HDHD3: variants seen among roughly 807,000 people sequenced by gnomAD.
HDHD3 encodes the protein haloacid dehalogenase-like hydrolase domain-containing protein 3.
Under a neutral mutation model 6.9 loss-of-function variants are expected in HDHD3, and 6 were observed. The observed-to-expected ratio is 0.87, with a 90% CI of 0.48 to 1.72. The LOEUF is 1.72. Ranked by LOEUF, HDHD3 falls within the 40% of genes most tolerant of loss-of-function variation. HDHD3 has a pLI of 0.01. For missense variants in HDHD3, 308 were observed against 327.4 expected (o/e 0.94, Z 0.46); for synonymous variants, 139 against 140.7 (o/e 0.99, Z 0.08).
rs76975306 is a variant in HDHD3, at chr9:113,373,937, G to A, written c.418C>T (p.Arg140Trp). ...AGGCCCCCCAGGATGCCCTCTAGCC[G>A]TCGGTCAAAGTTGGAGATCACTGCC... ...RLAVISNFDR[R>W]LEGILGGLGL... The change falls in exon 3 of 3, where the codon CGG becomes TGG. Residue 140 changes from arginine (R) to tryptophan (W), a missense_variant. By Grantham distance (101) the Arg-to-Trp change is moderately radical. Transcript: ENST00000374180. 2.2e-4 allele frequency: 351 copies of A among 1,614,238 alleles called. 1 individual carries two copies. In the African/African-American group the frequency reaches 3.1e-3, roughly 14 times the overall value.
rs766926828 is a variant in HDHD3 at position 113,373,697 on chromosome 9, C to G, written c.658G>C (p.Val220Leu). 3 of 1,614,042 alleles carry G rather than the reference C, an allele frequency of 1.9e-6. No individual in the cohort carries two copies. Among genetic ancestry groups the G allele is most frequent in the African/African-American group, 1.3e-5 (1 of 75,062 alleles). The change falls in exon 3 of 3, where the codon GTG (valine) becomes CTG (leucine). Residue 220 changes from valine (V) to leucine (L), a missense_variant. By Grantham distance (32) the Val-to-Leu change is conservative. Transcript: ENST00000374180. The stretch of plus-strand genomic sequence containing the variant: ...TCTTTAGGTACAGAATCCCTGACCA[C>G]GGGGTCCAGTGCCTGTGGGCCAACC... Reference protein sequence around the residue: ...LVVGPQALDPVVRDSVPKEHI... With the variant: ...LVVGPQALDPLVRDSVPKEHI...
At chr9:113,376,433 C>T (rs1348001666) in intron 1 of HDHD3, among the ~76,000 whole-genome samples, 2 of 142,722 alleles carry the variant, frequency 1.4e-5, no homozygotes, top group African/African-American at 5.5e-5. Context: ...CTGCAACTTC[C>T]GCCTCCCGGA....
In HDHD3 at chr9:113,374,163, G is replaced by A; in HGVS notation, c.192C>T (p.Gly64=). The stretch of plus-strand genomic sequence containing the variant: ...GGCGGGAGGTTAGGCCGTGGCTCAG[G>A]CCGTAGTTGGGGAAGCTGTGGCTCT... ...RAQSHSFPNY[G]LSHGLTSRQW... Residue 64 remains glycine (G), a synonymous_variant, in exon 3 of 3, where the codon GGC becomes GGT. Coordinates refer to ENST00000374180, the MANE Select transcript of HDHD3 (RefSeq NM_001304509.2). The A allele has an allele frequency of 6.3e-7, 1 of 1,596,088 alleles. No homozygotes were observed.
At chr9:113,376,590 T>TTCCCCCCCCCCCCCCCCCCCCCCCC (rs137860074) in intron 1 of HDHD3, 139 bp downstream of exon 1, 59 of 134,308 alleles carry the variant, frequency 4.4e-4, no homozygotes, top group Non-Finnish European at 5.1e-4. Context: ...CTCGTGATCC[T>TTCCCCCCCCCCCCCCCCCCCCCCCC]CCCCCGCCCC....
chr9:113,374,421 G>A lies in HDHD3; in HGVS notation c.-67C>T, dbSNP rs796193912. ...GGTGGGTCCCAGGGGAAGCTGAGCTGGATAAGACCACCTCTGCGCAACCTA... is the reference window on the plus strand; with the variant it reads ...GGTGGGTCCCAGGGGAAGCTGAGCTAGATAAGACCACCTCTGCGCAACCTA... On this transcript the variant is annotated 5_prime_UTR_variant, in exon 3 of 3. Transcript: ENST00000374180. 2.1e-6 allele frequency: 3 copies of A among 1,419,646 alleles called. No individual in the cohort carries two copies. Among genetic ancestry groups the A allele is most frequent in the African/African-American group, 2.8e-5 (2 of 70,508 alleles). 87.9% of individuals were successfully genotyped at this position (1,419,646 alleles called of 1,614,324 possible). A position where few individuals can be genotyped will look rare whatever the true frequency, so the allele number is the denominator to read the frequency against.
At chr9:113,376,674 T>C (rs1264936749) in intron 1 of HDHD3, 55 bp downstream of exon 1, 2 of 150,628 alleles carry the variant, frequency 1.3e-5, no homozygotes, top group Non-Finnish European at 3.0e-5. Flanking sequence ...CAGGGCTTTT[T>C]CGATTTCTAA....
chr9:113,373,790 G>C lies in HDHD3; in HGVS notation c.565C>G (p.His189Asp), dbSNP rs1834388430. Residue 189 changes from histidine to aspartate, a missense_variant, in exon 3 of 3, where the codon CAT (histidine) becomes GAT (aspartate). By Grantham distance (81) the His-to-Asp change is moderately conservative. Coordinates refer to ENST00000374180, the MANE Select transcript of HDHD3 (RefSeq NM_001304509.2). ...LAHMEPVVAAHVGDNYLCDYQ... is the reference protein window; with the variant it reads ...LAHMEPVVAADVGDNYLCDYQ... ...TCGCAGAGGTAATTATCCCCAACAT[G>C]GGCTGCCACTACTGGTTCCATATGA... The C allele has an allele frequency of 1.9e-5, 30 of 1,612,300 alleles. No individual in the cohort carries two copies. Among genetic ancestry groups the C allele is most frequent in the African/African-American group, 4.0e-5 (3 of 74,912 alleles).
chr9:113,373,718 C>G lies in HDHD3; in HGVS notation c.637G>C (p.Gly213Arg). The G allele has an allele frequency of 1.2e-6, 2 of 1,614,020 alleles. No individual in the cohort carries two copies. ...ACCACGGGGTCCAGTGCCTGTGGGC[C>G]AACCACCAGGAAGCTGTGCATGCCC... ...AVGMHSFLVV[G>R]PQALDPVVRD... Residue 213 changes from glycine (G) to arginine (R), a missense_variant, in exon 3 of 3, where the codon GGC becomes CGC. Gly to Arg is a moderately radical substitution (Grantham distance 125). Transcript: ENST00000374180.
chr9:113,373,943 C>T lies in HDHD3; in HGVS notation c.412G>A (p.Asp138Asn), dbSNP rs902349145. 2 of 1,614,218 alleles carry T rather than the reference C, an allele frequency of 1.2e-6. No homozygotes were observed. Among genetic ancestry groups the T allele is most frequent in the Non-Finnish European group, 1.7e-6 (2 of 1,180,042 alleles). Residue 138 changes from aspartate to asparagine, a missense_variant, in exon 3 of 3, where the codon GAC (aspartate) becomes AAC (asparagine). Transcript: ENST00000374180. Reference protein sequence around the residue: ...GLRLAVISNFDRRLEGILGGL... With the variant: ...GLRLAVISNFNRRLEGILGGL... ...CCCAGGATGCCCTCTAGCCGTCGGTCAAAGTTGGAGATCACTGCCAGTCTC... is the reference window on the plus strand; with the variant it reads ...CCCAGGATGCCCTCTAGCCGTCGGTTAAAGTTGGAGATCACTGCCAGTCTC...
chr9:113,373,939 CG>C lies in HDHD3; in HGVS notation c.415del (p.Arg139AspfsTer3). 1 of 1,614,238 alleles carries C rather than the reference CG, an allele frequency of 6.2e-7. No individual in the cohort carries two copies. The highest frequency in any genetic ancestry group is 8.5e-7 in the Non-Finnish European group (1 of 1,180,046). On this transcript the variant is annotated frameshift_variant, in exon 3 of 3. Coordinates refer to ENST00000374180, the MANE Select transcript of HDHD3 (RefSeq NM_001304509.2). LOFTEE classifies it high-confidence loss of function. Reference sequence around the variant, plus strand: ...GCCCCCCAGGATGCCCTCTAGCCGTCGGTCAAAGTTGGAGATCACTGCCAGT... The same window carrying C: ...GCCCCCCAGGATGCCCTCTAGCCGTCGTCAAAGTTGGAGATCACTGCCAGT... ...LRLAVISNFDRRLEGILGGLG... is the reference protein window; with the variant it reads ...LRLAVISNFDXRLEGILGGLG...
rs1328694969 is a variant in HDHD3 at position 113,375,513 on chromosome 9, G to C, written c.-236C>G. Reference sequence around the variant, plus strand: ...CAGAACCCAAACTTCCAGACTCTCTGGCCAGTTCTTCCACTGTACCATGAG... The same window carrying C: ...CAGAACCCAAACTTCCAGACTCTCTCGCCAGTTCTTCCACTGTACCATGAG... On this transcript the variant is annotated 5_prime_UTR_variant, in exon 2 of 3. Coordinates refer to ENST00000374180, the MANE Select transcript of HDHD3 (RefSeq NM_001304509.2). The C allele has an allele frequency of 1.3e-5, 2 of 152,258 alleles. No individual in the cohort carries two copies. Among genetic ancestry groups the C allele is most frequent in the African/African-American group, 4.8e-5 (2 of 41,442 alleles). The allele number at this position is 152,258 out of a possible 1,614,324, so 9.4% of individuals were successfully genotyped here.
rs571941757 is a variant in HDHD3 at position 113,374,027 on chromosome 9, T to G, written c.328A>C (p.Thr110Pro). 7 of 1,614,110 alleles carry G rather than the reference T, an allele frequency of 4.3e-6. No homozygotes were observed. Among genetic ancestry groups the G allele is most frequent in the Non-Finnish European group, 5.9e-6 (7 of 1,179,986 alleles). ...TCAGCCCCATCCAACACCTGCCAGGTGCAGGGGTGGCTGAAGTCTTTATAA... is the reference window on the plus strand; with the variant it reads ...TCAGCCCCATCCAACACCTGCCAGGGGCAGGGGTGGCTGAAGTCTTTATAA... Reference protein sequence around the residue: ...QLYKDFSHPCTWQVLDGAEDT... With the variant: ...QLYKDFSHPCPWQVLDGAEDT... The change falls in exon 3 of 3, where the codon ACC (threonine) becomes CCC (proline). Residue 110 changes from threonine to proline, a missense_variant. Transcript: ENST00000374180.
rs1411149022 is a variant in HDHD3, at chr9:113,373,828, G to A, written c.527C>T (p.Ala176Val). The change falls in exon 3 of 3, where the codon GCC becomes GTC. Residue 176 changes from alanine to valine, a missense_variant. Ala to Val is a moderately conservative substitution (Grantham distance 64). Transcript: ENST00000374180. ...TGGTTCCATATGAGCAAGCCGCAAGGCCTCCTGGAAAATGCGGGGGTCCGG... is the reference window on the plus strand; with the variant it reads ...TGGTTCCATATGAGCAAGCCGCAAGACCTCCTGGAAAATGCGGGGGTCCGG... ...PKPDPRIFQEALRLAHMEPVV... is the reference protein window; with the variant it reads ...PKPDPRIFQEVLRLAHMEPVV... 9 of 1,613,968 alleles carry A rather than the reference G, an allele frequency of 5.6e-6. No individual in the cohort carries two copies. The East Asian group carries it at 8.9e-5, about 16-fold the overall frequency.
In HDHD3 at chr9:113,374,454, C is replaced by CCTCT; in HGVS notation, c.-104_-101dup. 8.8e-7 allele frequency: 1 copy of CCTCT among 1,137,648 alleles called. No individual in the cohort carries two copies. 70.5% of individuals were successfully genotyped at this position (1,137,648 alleles called of 1,614,324 possible). On this transcript the variant is annotated 5_prime_UTR_variant, in exon 3 of 3. An upstream open reading frame in the 5' UTR gains an earlier in-frame stop. Transcript: ENST00000374180. ...CCACCTCTGCGCAACCTAACAATCA[C>CCTCT]CTCTTTCCAGGCCTTGTGGGTCAGA... is the stretch of plus-strand genomic sequence containing the variant.
chr9:113,374,670 C>A (rs990551865), intron 2 of HDHD3, 141 bp from the exon 3 acceptor site: 2 of 306,874 alleles, frequency 6.5e-6, no homozygotes, highest in African/African-American at 4.3e-5. Flanking sequence ...CCTTTTTGAG[C>A]TAGCTGCTAG....
chr9:113,376,331 A>G (rs1173443231), intron 1 of HDHD3, among the ~76,000 whole-genome samples: 1 of 125,466 alleles, frequency 8.0e-6, no homozygotes, highest in Non-Finnish European at 1.6e-5. Flanking sequence ...GGCGTGAGCC[A>G]CTATACCCGG....
chr9:113,374,364 C>T lies in HDHD3; in HGVS notation c.-10G>A. 1 of 1,507,648 alleles carries T rather than the reference C, an allele frequency of 6.6e-7. No homozygotes were observed. The highest frequency in any genetic ancestry group is 8.9e-7 in the Non-Finnish European group (1 of 1,127,450). The allele number at this position is 1,507,648 out of a possible 1,614,324, so 93.4% of individuals were successfully genotyped here. On this transcript the variant is annotated 5_prime_UTR_variant, in exon 3 of 3. Coordinates refer to ENST00000374180, the MANE Select transcript of HDHD3 (RefSeq NM_001304509.2). ...GCAGCCGGTGTGCCATGGAGGAGGC[C>T]AAGTCCACCCCAGTTCTGCCTCAGG...
intron 1 of HDHD3, chr9:113,375,961 G>A (rs970041127): frequency 3.9e-5 from 6 of 151,918 alleles, no homozygotes; most frequent in Non-Finnish European, 8.8e-5. Flanking sequence ...ACCCAGTGAG[G>A]GGCAGTAATT....
rs766926828 is a variant in HDHD3, at chr9:113,373,697, C to A, written c.658G>T (p.Val220Leu). 1 of 1,614,042 alleles carries A rather than the reference C, an allele frequency of 6.2e-7. No homozygotes were observed. Among genetic ancestry groups the A allele is most frequent in the Non-Finnish European group, 8.5e-7 (1 of 1,179,980 alleles). ...LVVGPQALDP[V>L]VRDSVPKEHI... ...TCTTTAGGTACAGAATCCCTGACCA[C>A]GGGGTCCAGTGCCTGTGGGCCAACC... The change falls in exon 3 of 3, where the codon GTG becomes TTG. Residue 220 changes from valine (V) to leucine (L), a missense_variant. Transcript: ENST00000374180.
Sources: allele counts gnomAD v4.1 joint callset (sites outside exome capture counted in the v4.1 genomes callset), GRCh38; gene constraint gnomAD v4.1.1; transcripts MANE v1.5; gene names NCBI Gene and HGNC (gene_info 2026-07-23, HGNC 2026-07-21).